Variants in MSN observed in about 807,000 individuals in gnomAD.
MSN encodes moesin, also known as epididymis luminal protein 70.
A neutral mutation model predicts 48.0 loss-of-function variants in MSN; 2 were observed. The ratio of observed to expected loss-of-function variants is 0.04; its 90% CI spans 0.02 to 0.13. The LOEUF is 0.13. Ranked by LOEUF, MSN falls within the 10% of genes least tolerant of loss-of-function variation. MSN has a pLI of 1.00. For synonymous variants in MSN, 146 were observed against 166.9 expected, an observed-to-expected ratio of 0.87 and a Z score of 0.97; for missense variants, 267 against 470.1, an observed-to-expected ratio of 0.57 and a Z score of 3.99.
At chrX:65,592,981 C>T (rs957698045) in intron 1 of MSN, among the ~76,000 whole-genome samples, 10 of 111,465 alleles carry the variant, frequency 9.0e-5, no homozygotes, top group Non-Finnish European at 3.8e-5. Context: ...AAGGAGGTTG[C>T]AATGAGCCTA....
intron 1 of MSN, among the ~76,000 whole-genome samples, chrX:65,633,465 C>T (rs2070574409): frequency 8.9e-6 from 1 of 112,491 alleles, no homozygotes; most frequent in Non-Finnish European, 1.9e-5. Context: ...AATCACATCT[C>T]AGTTCTGATT....
intron 1 of MSN, among the ~76,000 whole-genome samples, chrX:65,677,176 A>G (rs942911710): frequency 1.8e-5 from 2 of 111,352 alleles, no homozygotes; most frequent in Non-Finnish European, 3.8e-5. Context: ...GATGAAGCTC[A>G]CCAAGAGCCT....
chrX:65,656,496 T>C (rs1452875956), intron 1 of MSN, among the ~76,000 whole-genome samples: 3 of 111,717 alleles, frequency 2.7e-5, no homozygotes, highest in African/African-American at 9.8e-5. Flanking sequence ...TTCTCTGGCC[T>C]AGCTGAGCAA....
At chrX:65,721,382 A>C (rs1317395586) in intron 2 of MSN, among the ~76,000 whole-genome samples, 4 of 112,142 alleles carry the variant, frequency 3.6e-5, no homozygotes, top group Non-Finnish European at 7.5e-5. Flanking sequence ...TTAATCCTCA[A>C]ATAAGTAAAA....
chrX:65,667,319 T>C (rs2070880693), upstream of MSN, among the ~76,000 whole-genome samples: 1 of 110,616 alleles, frequency 9.0e-6, no homozygotes, highest in South Asian at 3.8e-4. Context: ...TCCCCATCAG[T>C]GGAAAGTTGC....
intron 1 of MSN, among the ~76,000 whole-genome samples, chrX:65,648,782 G>C (rs755627522): frequency 1.8e-5 from 2 of 109,905 alleles, no homozygotes; most frequent in East Asian, 2.8e-4. Context: ...AGAATCGCTT[G>C]AACCTGGGAG....
intron 1 of MSN, among the ~76,000 whole-genome samples, chrX:65,699,777 T>C (rs1275860377): frequency 3.1e-5 from 3 of 95,485 alleles, no homozygotes; most frequent in Non-Finnish European, 4.2e-5. Flanking sequence ...AAAAGACAAA[T>C]GATAATAGGC....
intron 1 of MSN, among the ~76,000 whole-genome samples, chrX:65,674,725 C>T (rs968421505): frequency 9.0e-6 from 1 of 111,657 alleles, no homozygotes; most frequent in Non-Finnish European, 1.9e-5. Context: ...CTAGAATCTC[C>T]TGGCCTCAAA....
intron 3 of MSN, among the ~76,000 whole-genome samples, chrX:65,728,353 G>A (rs966193827): frequency 9.0e-6 from 1 of 111,306 alleles, no homozygotes; most frequent in Non-Finnish European, 1.9e-5. Context: ...GAGTGCAGTG[G>A]TGCCATCTCG....
chrX:65,737,443 C>T, intron 10 of MSN, 105 bp downstream of exon 10: 2 of 925,528 alleles, frequency 2.2e-6, no homozygotes, highest in Non-Finnish European at 2.9e-6. Flanking sequence ...TTAGAGCAGG[C>T]TACCACTCCA....
At chrX:65,608,818 C>G (rs1425114162) in intron 1 of MSN, among the ~76,000 whole-genome samples, 1 of 111,047 alleles carries the variant, frequency 9.0e-6, no homozygotes, top group Non-Finnish European at 1.9e-5. Context: ...CACCCACATA[C>G]AGGGTTGTAT....
At chrX:65,679,909 G>A (rs759085169) in intron 1 of MSN, among the ~76,000 whole-genome samples, 1 of 112,572 alleles carries the variant, frequency 8.9e-6, no homozygotes, top group Non-Finnish European at 1.9e-5. Context: ...CCTTAGTTGG[G>A]TAGTGCTGGG....
chrX:65,654,191 C>T (rs759814962), intron 1 of MSN, among the ~76,000 whole-genome samples: 2 of 105,954 alleles, frequency 1.9e-5, no homozygotes, highest in Non-Finnish European at 3.9e-5. Flanking sequence ...CTGCAAGCTC[C>T]GCCTCCCGGG....
intron 1 of MSN, among the ~76,000 whole-genome samples, chrX:65,714,756 G>A (rs146991933): frequency 5.0e-4 from 56 of 111,293 alleles, no homozygotes; most frequent in African/African-American, 1.6e-3. Context: ...CTCTGGTTCC[G>A]TAGGTTGCCT....
intron 1 of MSN, among the ~76,000 whole-genome samples, chrX:65,638,000 C>T (rs2070619254): frequency 8.9e-6 from 1 of 112,056 alleles, no homozygotes; most frequent in South Asian, 3.7e-4. Flanking sequence ...ATGTAAGTTC[C>T]ATGATGGTAG....
At chrX:65,625,906 C>G (rs781584936) in intron 1 of MSN, 1 of 107,548 alleles carries the variant, frequency 9.3e-6, no homozygotes, top group South Asian at 4.0e-4. Context: ...TTCATTAGTA[C>G]CTTGTCCAAG....
chrX:65,677,618 C>T (rs909866235), intron 1 of MSN, among the ~76,000 whole-genome samples: 13 of 109,915 alleles, frequency 1.2e-4, no homozygotes, highest in East Asian at 2.8e-4. Context: ...AATAGCCGGG[C>T]GTGTTGGCGG....
At chrX:65,614,836 C>T (rs1308461743) in intron 1 of MSN, among the ~76,000 whole-genome samples, 6 of 84,653 alleles carry the variant, frequency 7.1e-5, no homozygotes, top group Middle Eastern at 4.7e-3. Context: ...GTATATCTCC[C>T]GATGCTATCC....
intron 1 of MSN, among the ~76,000 whole-genome samples, chrX:65,623,363 C>CTT (rs2070471282): frequency 1.4e-5 from 1 of 69,746 alleles, no homozygotes; most frequent in African/African-American, 8.6e-5. Flanking sequence ...TTTTTTCTTT[C>CTT]TTTTCTTTTT....
Sources: allele counts gnomAD v4.1 joint callset (sites outside exome capture counted in the v4.1 genomes callset), GRCh38; gene constraint gnomAD v4.1.1; transcripts MANE v1.5; gene names NCBI Gene and HGNC (gene_info 2026-07-23, HGNC 2026-07-21).